MOK: variants seen among roughly 807,000 people sequenced by gnomAD.
MOK encodes the protein MOK protein kinase.
MOK carries 59 observed loss-of-function variants against 54.2 expected under a neutral mutation model. That is an observed-to-expected ratio of 1.09 (90% confidence interval 0.88 to 1.35). The LOEUF is 1.35. Among genes scored for constraint, MOK ranks in the 40% most tolerant of loss-of-function variants. The pLI, the probability that MOK is intolerant of heterozygous loss-of-function variation, is 0.00. For missense variants in MOK, 517 were observed against 526.2 expected, an observed-to-expected ratio of 0.98 and a Z score of 0.17; for synonymous variants, 210 against 202.7, an observed-to-expected ratio of 1.04 and a Z score of -0.31.
intron 1 of MOK, among the ~76,000 whole-genome samples, chr14:102,297,780 C>T (rs764143326): frequency 3.9e-5 from 6 of 152,168 alleles, no homozygotes; most frequent in African/African-American, 7.2e-5. Flanking sequence ...GCACTAGGTG[C>T]GGCCAGCTGG....
intron 2 of MOK, among the ~76,000 whole-genome samples, chr14:102,269,439 C>A (rs2068178460): frequency 6.6e-6 from 1 of 150,906 alleles, no homozygotes; most frequent in Non-Finnish European, 1.5e-5. Context: ...CCCGCCTTGG[C>A]CTCCCAAAGT....
At chr14:102,243,439 T>C (rs1359491855) in intron 7 of MOK, among the ~76,000 whole-genome samples, 1 of 152,188 alleles carries the variant, frequency 6.6e-6, no homozygotes, top group Non-Finnish European at 1.5e-5. Flanking sequence ...CCAAACAACT[T>C]GATCTTACTG....
chr14:102,283,512 A>G lies in MOK; in HGVS notation c.88T>C (p.Tyr30His), dbSNP rs142873895. The G allele has an allele frequency of 1.2e-6, 2 of 1,613,468 alleles. No homozygotes were observed. Among genetic ancestry groups the G allele is most frequent in the African/African-American group, 2.7e-5 (2 of 74,922 alleles). ...CGCTGCTTCATTTGTTTACATGCAT[A>G]GTAGTTTCCATCTCTCAGGCTTTGC... The part of the protein sequence containing the change: ...KMQSLRDGNY[Y>H]ACKQMKQRFE... Residue 30 changes from tyrosine to histidine, a missense_variant, in exon 2 of 12, where the codon TAT becomes CAT. Tyr to His is a moderately conservative substitution (Grantham distance 83, BLOSUM62 2). Transcript: ENST00000361847.
At position 102,287,928 on chromosome 14, in the gene MOK, G is replaced by A. The variant is rs546136063; in HGVS notation, c.8-4336C>T. On this transcript the variant is annotated intron_variant, in intron 1 of 11. Transcript: ENST00000361847. ...GCTCACTGCAAGCTCTCCGCTTCCC[G>A]GGTTCACGCCATTCTCCTGCCTCAG... is the stretch of plus-strand genomic sequence containing the variant. Among the ~76,000 whole-genome samples, 22 of 149,700 alleles carry A rather than the reference G, an allele frequency of 1.5e-4. No individual in the cohort carries two copies. The East Asian group carries it at 2.4e-3, about 16-fold the overall frequency.
At chr14:102,222,780 G>A (rs771068698), downstream of MOK, 1 of 1,610,482 alleles carries the variant, frequency 6.2e-7, no homozygotes, top group South Asian at 1.1e-5. The surrounding 1 kb of genome is among the most constrained non-coding windows in gnomAD (Gnocchi z 4.4). Flanking sequence ...CATGGTGGCT[G>A]TTGCCCGTCC....
At chr14:102,290,686 C>A (rs1476741944) in intron 1 of MOK, among the ~76,000 whole-genome samples, 2 of 152,186 alleles carry the variant, frequency 1.3e-5, no homozygotes, top group Non-Finnish European at 2.9e-5. Flanking sequence ...GATGCTGAAT[C>A]TCCAGACTAG....
At chr14:102,297,217 G>T (rs965597659) in intron 1 of MOK, among the ~76,000 whole-genome samples, 2 of 151,866 alleles carry the variant, frequency 1.3e-5, no homozygotes, top group African/African-American at 4.8e-5. Flanking sequence ...AATTAGCAGG[G>T]TGTGGTGGCG....
chr14:102,229,820 T>A, intron 10 of MOK, 163 bp from the exon 11 acceptor site: 1 of 663,332 alleles, frequency 1.5e-6, no homozygotes, highest in Non-Finnish European at 2.5e-6. Flanking sequence ...CCCAAGGGAG[T>A]GGCTGCCCAC....
intron 4 of MOK, 75 bp downstream of exon 4, chr14:102,263,471 G>T: frequency 9.4e-7 from 1 of 1,067,814 alleles, no homozygotes; most frequent in Non-Finnish European, 1.4e-6. Flanking sequence ...TAATGATGTT[G>T]AGAATAACTA....
intron 2 of MOK, among the ~76,000 whole-genome samples, chr14:102,276,632 A>T (rs557597307): frequency 1.3e-4 from 19 of 151,934 alleles, no homozygotes; most frequent in Non-Finnish European, 2.1e-4. Flanking sequence ...AAATGAAAAC[A>T]TACAAAAAAT....
At chr14:102,281,610 T>G (rs1269019348) in intron 2 of MOK, among the ~76,000 whole-genome samples, 8 of 151,390 alleles carry the variant, frequency 5.3e-5, no homozygotes, top group South Asian at 2.1e-4. Flanking sequence ...TTTTTTGTGT[T>G]TTTTTTTTAA....
At chr14:102,273,125 G>A (rs955298357) in intron 2 of MOK, among the ~76,000 whole-genome samples, 29 of 151,750 alleles carry the variant, frequency 1.9e-4, no homozygotes, top group African/African-American at 5.3e-4. Flanking sequence ...AGCTGAGATC[G>A]CGCCACTGCA....
At chr14:102,278,818 C>T in intron 2 of MOK, 1 of 404,502 alleles carries the variant, frequency 2.5e-6, no homozygotes, top group Non-Finnish European at 5.1e-6. Flanking sequence ...GGTAATCTTA[C>T]TATTATTATC....
At chr14:102,273,287 A>C (rs896158009) in intron 2 of MOK, among the ~76,000 whole-genome samples, 7 of 150,414 alleles carry the variant, frequency 4.7e-5, no homozygotes, top group African/African-American at 1.7e-4. Context: ...GAACAAAAAA[A>C]AAAAAAAAAT....
At position 102,281,854 on chromosome 14, in the gene MOK, G is replaced by A. The variant is rs116221921; in HGVS notation, c.122+1624C>T. ...GGAAAGATAAAGAAACACAGAGAAT[G>A]CAGAATGCATAGAGAGGAAGAAGTG... On this transcript the variant is annotated intron_variant, in intron 2 of 11. Coordinates refer to ENST00000361847, the MANE Select transcript of MOK (RefSeq NM_014226.3). Among the ~76,000 whole-genome samples, 704 of 152,320 alleles carry A rather than the reference G, an allele frequency of 4.6e-3. 6 individuals are homozygous for A. The highest frequency in any genetic ancestry group is 0.016 in the African/African-American group (653 of 41,572).
chr14:102,298,799 CT>C (rs1567255884), intron 1 of MOK, among the ~76,000 whole-genome samples: 1 of 152,210 alleles, frequency 6.6e-6, no homozygotes, highest in East Asian at 1.9e-4. Flanking sequence ...TGGGTCCAGG[CT>C]GCTTTTATGA....
At chr14:102,219,026 T>C in the MOK span, among the ~76,000 whole-genome samples, 1 of 152,126 alleles carries the variant, frequency 6.6e-6, no homozygotes, top group Non-Finnish European at 1.5e-5. Context: ...GCAGGCGGAT[T>C]GGGGCAGCAG....
At position 102,305,035 on chromosome 14, in the gene MOK, T is replaced by G; in HGVS notation, c.-67A>C. On this transcript the variant is annotated 5_prime_UTR_variant, in exon 1 of 12. Transcript: ENST00000361847. ...ACGGAAAAGAAAGAAGCAGGAAGGT[T>G]GTCCCCCTGCTTTCCACTTCCCTGA... 5 of 1,566,400 alleles carry G rather than the reference T, an allele frequency of 3.2e-6. No homozygotes were observed. The highest frequency in any genetic ancestry group is 4.4e-6 in the Non-Finnish European group (5 of 1,149,110).
chr14:102,254,481 C>G (rs1332890500), intron 4 of MOK, among the ~76,000 whole-genome samples: 1 of 152,220 alleles, frequency 6.6e-6, no homozygotes, highest in Non-Finnish European at 1.5e-5. Flanking sequence ...TGCCTTCACA[C>G]ACGCAGCAGA....
Sources: gnomAD v4.1 joint callset for allele counts (sites outside exome capture counted in the v4.1 genomes callset) on GRCh38, gnomAD v4.1.1 for gene constraint, Gnocchi (gnomAD v3.1) non-coding constraint, MANE v1.5 for transcripts, NCBI Gene and HGNC (gene_info 2026-07-23, HGNC 2026-07-21) for gene names.